RYR2: variants seen among roughly 807,000 people sequenced by gnomAD.
RYR2 encodes cardiac muscle ryanodine receptor-calcium release channel.
In RYR2, 227 loss-of-function variants were observed where a neutral mutation model predicts 601.1. The observed-to-expected ratio is 0.38, with a 90% CI of 0.34 to 0.42. The LOEUF (loss-of-function observed/expected upper bound fraction) is 0.42. Among genes scored for constraint, RYR2 ranks in the 10% least tolerant of loss-of-function variants. RYR2 has a pLI of 1.00. For synonymous variants in RYR2, 2,223 were observed against 2,175.1 expected (o/e 1.02, Z -0.61); for missense variants, 4,646 against 6,156.5 (o/e 0.75, Z 8.21).
chr1:237,451,361 C>T (rs1449817418), intron 14 of RYR2, among the ~76,000 whole-genome samples: 6 of 152,118 alleles, frequency 3.9e-5, no homozygotes, highest in African/African-American at 1.2e-4. Flanking sequence ...CACTTGAGGT[C>T]AGGAATTTGA....
intron 62 of RYR2, among the ~76,000 whole-genome samples, chr1:237,683,232 A>G (rs1686050369): frequency 6.6e-6 from 1 of 152,222 alleles, no homozygotes; most frequent in Non-Finnish European, 1.5e-5. Context: ...CGTGAGTAGC[A>G]ATAGTTGTGT....
At chr1:237,711,546 T>A (rs1009437208) in intron 70 of RYR2, among the ~76,000 whole-genome samples, 199 bp from the exon 71 acceptor site, 7 of 152,244 alleles carry the variant, frequency 4.6e-5, no homozygotes, top group Non-Finnish European at 7.3e-5. Context: ...ATGTGCATAT[T>A]CATATCTAGT....
At position 237,152,197 on chromosome 1, in the gene RYR2, T is replaced by C. The variant is rs12402144; in HGVS notation, c.48+109628T>C. On this transcript the variant is annotated intron_variant, in intron 1 of 104. Transcript: ENST00000366574. ...AAAGACATGATTTCATTCCTTTTTA[T>C]GGCTGCATAGTATTCCATGGTGTAT... Among the ~76,000 whole-genome samples, 975 of 152,370 alleles carry C rather than the reference T, an allele frequency of 6.4e-3. 22 individuals carry two copies. Among genetic ancestry groups the C allele is most frequent in the Admixed American group, 0.04 (615 of 15,308 alleles).
At chr1:237,751,130 C>A (rs1692502021) in intron 80 of RYR2, among the ~76,000 whole-genome samples, 1 of 152,208 alleles carries the variant, frequency 6.6e-6, no homozygotes, top group Admixed American at 6.5e-5. Flanking sequence ...CCCTCATGAC[C>A]TAACCATAGC....
intron 1 of RYR2, among the ~76,000 whole-genome samples, chr1:237,214,422 T>C (rs1356602658): frequency 2.0e-5 from 3 of 152,138 alleles, no homozygotes; most frequent in Non-Finnish European, 1.5e-5. Flanking sequence ...AAGATTCTAC[T>C]CATTGCAGAA....
chr1:237,189,177 G>A (rs1679691664), intron 1 of RYR2, among the ~76,000 whole-genome samples: 1 of 152,144 alleles, frequency 6.6e-6, no homozygotes, highest in East Asian at 1.9e-4. Context: ...GTTTCCCTTA[G>A]CATGATATTC....
At chr1:237,367,245 G>A (rs939219356) in intron 5 of RYR2, among the ~76,000 whole-genome samples, 5 of 152,066 alleles carry the variant, frequency 3.3e-5, no homozygotes, top group Middle Eastern at 3.4e-3. Context: ...ACAGGCGCCC[G>A]CCACCATGCC....
intron 41 of RYR2, 55 bp from the exon 42 acceptor site, chr1:237,631,372 T>C: frequency 9.3e-7 from 1 of 1,078,764 alleles, no homozygotes; most frequent in Non-Finnish European, 1.4e-6. Flanking sequence ...GGAACTTGGT[T>C]AACTATTTAG....
chr1:237,479,927 A>G (rs1044532645), intron 17 of RYR2, among the ~76,000 whole-genome samples: 2 of 152,162 alleles, frequency 1.3e-5, no homozygotes, highest in Non-Finnish European at 2.9e-5. Flanking sequence ...GTAAAAGGAA[A>G]CTAATGAACC....
chr1:237,369,055 C>T (rs1430259380), intron 5 of RYR2, among the ~76,000 whole-genome samples: 1 of 151,934 alleles, frequency 6.6e-6, no homozygotes, highest in Non-Finnish European at 1.5e-5. Flanking sequence ...AACTCCTGAC[C>T]TCAGGTAATC....
chr1:237,500,176 T>A (rs950389001), intron 20 of RYR2, among the ~76,000 whole-genome samples: 6 of 152,170 alleles, frequency 3.9e-5, no homozygotes, highest in Non-Finnish European at 8.8e-5. Context: ...TTTAAATTGA[T>A]AGAATGAAGG....
chr1:237,802,748 T>C (rs746522041), intron 98 of RYR2, among the ~76,000 whole-genome samples: 4 of 152,238 alleles, frequency 2.6e-5, no homozygotes, highest in Non-Finnish European at 5.9e-5. Context: ...GGCCAGTCCA[T>C]CTTAAGTTCT....
At chr1:237,437,928 G>A (rs576874238) in intron 12 of RYR2, among the ~76,000 whole-genome samples, 192 of 152,150 alleles carry the variant, frequency 1.3e-3, no homozygotes, top group Non-Finnish European at 1.9e-3. Context: ...TTGATTAAAT[G>A]TAGGAGGCAT....
At chr1:237,620,629 TAATC>T (rs1213564151) in intron 38 of RYR2, among the ~76,000 whole-genome samples, 1 of 152,042 alleles carries the variant, frequency 6.6e-6, no homozygotes, top group Non-Finnish European at 1.5e-5. Flanking sequence ...ATTAAAATAT[TAATC>T]AAAATAAAGC....
intron 59 of RYR2, among the ~76,000 whole-genome samples, chr1:237,674,480 T>C (rs973494490): frequency 2.0e-5 from 3 of 152,142 alleles, no homozygotes; most frequent in Non-Finnish European, 2.9e-5. Context: ...ACTCTGTTTT[T>C]GTAAATGCAA....
rs1446510080 is a variant in RYR2 at position 237,388,150 on chromosome 1, T to A, written c.740T>A (p.Val247Asp). 7 of 1,613,952 alleles carry A rather than the reference T, an allele frequency of 4.3e-6. No homozygotes were observed. Among genetic ancestry groups the A allele is most frequent in the Non-Finnish European group, 8.5e-7 (1 of 1,179,890 alleles). ...LHGHMDECLT[V>D]PSGEHGEEQR... The stretch of plus-strand genomic sequence containing the variant: ...GGACACATGGACGAGTGTCTCACTG[T>A]CCCTTCAGGAGAACATGGTGAAGAG... The change falls in exon 10 of 105, where the codon GTC becomes GAC. Residue 247 changes from valine to aspartate, a missense_variant. This residue lies in a region of RYR2 where 87 missense variants were observed against 144.7 expected (regional missense o/e 0.60). Coordinates refer to ENST00000366574, the MANE Select transcript of RYR2 (RefSeq NM_001035.3).
rs116461048 is a variant in RYR2, at chr1:237,756,146, G to C, written c.11146-142G>C. On this transcript the variant is annotated intron_variant, in intron 80 of 104. Transcript: ENST00000366574. The stretch of plus-strand genomic sequence containing the variant: ...ATAGTTGAATATGTTAATAATATCT[G>C]TTGAAGAACATCGTTGGTGTTGAAA... The C allele has an allele frequency of 1.2e-3, 652 of 552,742 alleles. 4 individuals carry two copies. Among genetic ancestry groups the C allele is most frequent in the African/African-American group, 0.012 (613 of 52,576 alleles). 34.2% of individuals were successfully genotyped at this position (552,742 alleles called of 1,614,324 possible). A position where few individuals can be genotyped will look rare whatever the true frequency, so the allele number is the denominator to read the frequency against.
At chr1:237,107,909 T>C (rs1365456219) in intron 1 of RYR2, among the ~76,000 whole-genome samples, 1 of 152,154 alleles carries the variant, frequency 6.6e-6, no homozygotes, top group Non-Finnish European at 1.5e-5. Flanking sequence ...TCTTCCTTTA[T>C]TTTTCTTGAG....
intron 2 of RYR2, among the ~76,000 whole-genome samples, chr1:237,290,565 A>G (rs1345482039): frequency 6.6e-6 from 1 of 152,350 alleles, no homozygotes; most frequent in Non-Finnish European, 1.5e-5. Flanking sequence ...AGCACAAACT[A>G]CAAAGCAAAA....
Sources: gnomAD v4.1 joint callset for allele counts (sites outside exome capture counted in the v4.1 genomes callset) on GRCh38, gnomAD v4.1.1 for gene constraint, gnomAD v4.1.1 regional missense constraint, MANE v1.5 for transcripts, NCBI Gene and HGNC (gene_info 2026-07-23, HGNC 2026-07-21) for gene names.